DCC: variants seen among roughly 807,000 people sequenced by gnomAD.
DCC encodes netrin receptor DCC.
In DCC, 58 loss-of-function variants were observed where a neutral mutation model predicts 172.5. The observed-to-expected ratio is 0.34, with a 90% CI of 0.27 to 0.42. The LOEUF (loss-of-function observed/expected upper bound fraction) is 0.42, where lower values mean the gene tolerates loss of function less well. Among genes scored for constraint, DCC ranks in the 10% least tolerant of loss-of-function variants. The pLI, the probability that DCC is intolerant of heterozygous loss-of-function variation, is 1.00. For missense variants in DCC, 1,740 were observed against 1,791.0 expected (o/e 0.97, Z 0.51); for synonymous variants, 709 against 644.5 (o/e 1.10, Z -1.52).
At position 53,410,457 on chromosome 18, in the gene DCC, A is replaced by G; in HGVS notation, c.2941A>G (p.Ile981Val). 1.2e-6 allele frequency: 2 copies of G among 1,600,664 alleles called. No individual in the cohort carries two copies. Among genetic ancestry groups the G allele is most frequent in the South Asian group, 1.1e-5 (1 of 90,760 alleles). ...LEANGKITAY[I>V]LFYTLDKNIP... Reference sequence around the variant, plus strand: ...ACATTTGTCTATTTATGCAGCTTACATCTTATTTTATACCTTGGACAAGAA... The same window carrying G: ...ACATTTGTCTATTTATGCAGCTTACGTCTTATTTTATACCTTGGACAAGAA... Residue 981 changes from isoleucine to valine, a missense_variant, in exon 20 of 29, where the codon ATC becomes GTC. By Grantham distance (29) the Ile-to-Val change is conservative (BLOSUM62 3). Transcript: ENST00000442544.
rs768831554 is a variant in DCC, at chr18:52,752,120, G to A, written c.158G>A (p.Arg53Gln). The A allele has an allele frequency of 1.9e-6, 3 of 1,614,114 alleles. No individual in the cohort carries two copies. Among genetic ancestry groups the A allele is most frequent in the Non-Finnish European group, 2.5e-6 (3 of 1,180,018 alleles). ...GAACCTTCTGATGCCGTCACAATGC[G>A]GGGAGGAAATGTCCTCCTCGACTGC... Reference protein sequence around the residue: ...LSEPSDAVTMRGGNVLLDCSA... With the variant: ...LSEPSDAVTMQGGNVLLDCSA... The change falls in exon 2 of 29, where the codon CGG becomes CAG. Residue 53 changes from arginine (R) to glutamine (Q), a missense_variant. Physicochemically the swap from Arg to Gln is conservative, Grantham distance 43. Around this residue, in one of 2 missense-constraint regions of DCC, gnomAD observed 1,732 missense variants for 1,767.4 expected, o/e 0.98. Transcript: ENST00000442544.
intron 1 of DCC, among the ~76,000 whole-genome samples, chr18:52,437,659 G>C (rs1987840371): frequency 6.6e-6 from 1 of 152,148 alleles, no homozygotes. Flanking sequence ...ATGAATCAAT[G>C]AGGTTTATTT....
intron 9 of DCC, among the ~76,000 whole-genome samples, chr18:53,195,141 G>A (rs1211216596): frequency 6.6e-6 from 1 of 152,162 alleles, no homozygotes; most frequent in East Asian, 1.9e-4. Flanking sequence ...TATCAAGTAG[G>A]AGAAGGGGTT....
At chr18:53,476,939 C>T (rs1035768472) in intron 25 of DCC, among the ~76,000 whole-genome samples, 2 of 152,270 alleles carry the variant, frequency 1.3e-5, no homozygotes, top group Middle Eastern at 6.8e-3. Flanking sequence ...TTGTTATCTA[C>T]AAGCTGTTTG....
intron 1 of DCC, among the ~76,000 whole-genome samples, chr18:52,671,769 C>A (rs2035558269): frequency 6.6e-6 from 1 of 151,988 alleles, no homozygotes. Context: ...CTCCTGACCT[C>A]AAGTGATCTG....
chr18:52,535,352 C>A lies in DCC; in HGVS notation c.91+194474C>A, dbSNP rs533807518. 2.6e-5 allele frequency among the ~76,000 whole-genome samples: 4 copies of A among 152,248 alleles called. No individual in the cohort carries two copies. The South Asian group carries it at 8.3e-4, about 32-fold the overall frequency. ...GATTTCACCCTTTTGGGAAGGTTAGCAACAGTAGAGCCAAACTGAACGTGA... is the reference window on the plus strand; with the variant it reads ...GATTTCACCCTTTTGGGAAGGTTAGAAACAGTAGAGCCAAACTGAACGTGA... On this transcript the variant is annotated intron_variant, in intron 1 of 28. Coordinates refer to ENST00000442544, the MANE Select transcript of DCC (RefSeq NM_005215.4).
intron 1 of DCC, among the ~76,000 whole-genome samples, chr18:52,541,875 G>GTGTA (rs1555695194): frequency 0.33 from 38,367 of 115,436 alleles, 6,752 homozygotes; most frequent in Middle Eastern, 0.45. Flanking sequence ...GTGTGTGTGT[G>GTGTA]TATATATATA....
intron 5 of DCC, among the ~76,000 whole-genome samples, chr18:52,982,763 A>G (rs1326192673): frequency 2.0e-5 from 3 of 152,200 alleles, no homozygotes; most frequent in African/African-American, 7.2e-5. Context: ...AGCATTTGTG[A>G]TAGAAGAGGG....
chr18:52,780,658 T>A (rs1345477151), intron 2 of DCC, among the ~76,000 whole-genome samples: 2 of 152,104 alleles, frequency 1.3e-5, no homozygotes, highest in Non-Finnish European at 2.9e-5. Context: ...TGGTAAGAAA[T>A]GGGAGAACTT....
chr18:52,558,261 TTAAC>T, intron 1 of DCC, among the ~76,000 whole-genome samples: 2 of 151,792 alleles, frequency 1.3e-5, no homozygotes, highest in South Asian at 4.2e-4. Context: ...TTACTATTAA[TTAAC>T]ATTTATTATG....
At chr18:52,361,142 CTTATCT>C (rs1270259871) in intron 1 of DCC, among the ~76,000 whole-genome samples, 6 of 152,144 alleles carry the variant, frequency 3.9e-5, no homozygotes, top group Admixed American at 3.9e-4. Context: ...CATTTCTATC[CTTATCT>C]TTATTATAAT....
chr18:52,721,358 A>T (rs776865775), intron 1 of DCC, among the ~76,000 whole-genome samples: 1 of 152,192 alleles, frequency 6.6e-6, no homozygotes, highest in African/African-American at 2.4e-5. Flanking sequence ...AGCTCAAAAA[A>T]TTCTCAAAAT....
intron 13 of DCC, among the ~76,000 whole-genome samples, chr18:53,309,959 T>TGTATATATAC (rs1376811502): frequency 1.5e-4 from 16 of 108,700 alleles, no homozygotes; most frequent in Admixed American, 1.0e-3. Context: ...TATATATACG[T>TGTATATATAC]GTGTGTATAT....
At chr18:52,607,845 G>C (rs980449935) in intron 1 of DCC, among the ~76,000 whole-genome samples, 30 of 152,220 alleles carry the variant, frequency 2.0e-4, no homozygotes, top group African/African-American at 7.0e-4. Context: ...AGAGATCTGG[G>C]CTTCAGAGAA....
At chr18:52,711,189 T>C (rs62084391) in intron 1 of DCC, among the ~76,000 whole-genome samples, 3,033 of 152,314 alleles carry the variant, frequency 0.02, 52 homozygotes, top group Middle Eastern at 0.065. Context: ...TGTCTCCTTA[T>C]TGGACGATAA....
intron 1 of DCC, among the ~76,000 whole-genome samples, chr18:52,465,572 T>G (rs1364509985): frequency 6.6e-6 from 1 of 152,088 alleles, no homozygotes; most frequent in Non-Finnish European, 1.5e-5. Flanking sequence ...TCACAATAGA[T>G]CCCCAAAGAG....
chr18:52,774,997 C>G (rs2037404372), intron 2 of DCC, among the ~76,000 whole-genome samples: 2 of 152,042 alleles, frequency 1.3e-5, no homozygotes, highest in Non-Finnish European at 2.9e-5. Flanking sequence ...TTTGACCAGC[C>G]CAGTTAGAGT....
intron 2 of DCC, among the ~76,000 whole-genome samples, chr18:52,796,392 G>T (rs2037878053): frequency 6.6e-6 from 1 of 151,906 alleles, no homozygotes; most frequent in Non-Finnish European, 1.5e-5. Context: ...TCTCATTTGT[G>T]TATCTAGTCT....
intron 5 of DCC, among the ~76,000 whole-genome samples, chr18:52,966,094 A>C (rs530954434): frequency 2.0e-5 from 3 of 152,234 alleles, no homozygotes; most frequent in Non-Finnish European, 4.4e-5. Flanking sequence ...AATTCTTCCC[A>C]AAAAAATCCA....
Sources: gnomAD v4.1 joint callset for allele counts (sites outside exome capture counted in the v4.1 genomes callset) on GRCh38, gnomAD v4.1.1 for gene constraint, gnomAD v4.1.1 regional missense constraint, MANE v1.5 for transcripts, NCBI Gene and HGNC (gene_info 2026-07-23, HGNC 2026-07-21) for gene names.